SNTG2: variants seen among roughly 807,000 people sequenced by gnomAD.
SNTG2 encodes gamma-2-syntrophin.
A neutral mutation model predicts 70.9 loss-of-function variants in SNTG2; 74 were observed. That is an observed-to-expected ratio of 1.04 (90% confidence interval 0.86 to 1.27). SNTG2 has a LOEUF of 1.27. Among genes scored for constraint, SNTG2 ranks in the 50% most tolerant of loss-of-function variants. The pLI is 0.00. For synonymous variants in SNTG2, 278 were observed against 273.8 expected (o/e 1.02, Z -0.15); for missense variants, 717 against 690.7 (o/e 1.04, Z -0.43).
intron 1 of SNTG2, among the ~76,000 whole-genome samples, chr2:1,011,466 G>A (rs1233282332): frequency 6.6e-6 from 1 of 152,172 alleles, no homozygotes; most frequent in Non-Finnish European, 1.5e-5. Flanking sequence ...ACAAGTTTCA[G>A]AAACAATCTT....
chr2:1,309,079 C>G (rs1680851280), intron 15 of SNTG2, among the ~76,000 whole-genome samples: 1 of 152,122 alleles, frequency 6.6e-6, no homozygotes, highest in Non-Finnish European at 1.5e-5. Flanking sequence ...TGAGGACAAT[C>G]CACTGTTTTG....
intron 9 of SNTG2, among the ~76,000 whole-genome samples, chr2:1,218,716 G>A (rs1053075481): frequency 6.6e-6 from 1 of 152,208 alleles, no homozygotes; most frequent in African/African-American, 2.4e-5. Context: ...TGCCCCTGGG[G>A]AAGCAGGTGG....
At chr2:1,086,363 C>T (rs1475454129) in intron 2 of SNTG2, among the ~76,000 whole-genome samples, 2 of 152,158 alleles carry the variant, frequency 1.3e-5, no homozygotes, top group African/African-American at 2.4e-5. Flanking sequence ...CCCAAAAAGT[C>T]AGATCTTCTG....
At chr2:1,292,635 T>C (rs900150111) in intron 14 of SNTG2, among the ~76,000 whole-genome samples, 1 of 152,230 alleles carries the variant, frequency 6.6e-6, no homozygotes, top group Non-Finnish European at 1.5e-5. Context: ...TTTGTTCACA[T>C]GGCATGTTGC....
intron 14 of SNTG2, among the ~76,000 whole-genome samples, chr2:1,306,354 C>T (rs1343453331): frequency 6.6e-6 from 1 of 152,150 alleles, no homozygotes; most frequent in Non-Finnish European, 1.5e-5. Context: ...CCACCATCTG[C>T]TCTCCTCTAA....
At chr2:1,314,530 C>T (rs1370568186) in intron 15 of SNTG2, among the ~76,000 whole-genome samples, 3 of 152,228 alleles carry the variant, frequency 2.0e-5, no homozygotes, top group African/African-American at 7.2e-5. Flanking sequence ...GCAGCTCCCT[C>T]ACTGGGACAG....
At chr2:1,146,153 G>A (rs866702732) in intron 6 of SNTG2, among the ~76,000 whole-genome samples, 1 of 152,148 alleles carries the variant, frequency 6.6e-6, no homozygotes, top group Non-Finnish European at 1.5e-5. Flanking sequence ...ATACAAGGAT[G>A]TCTCTTCTCA....
chr2:987,130 GT>G (rs1558295862), intron 1 of SNTG2, among the ~76,000 whole-genome samples: 1 of 152,236 alleles, frequency 6.6e-6, no homozygotes, highest in Non-Finnish European at 1.5e-5. Flanking sequence ...CATCCCTGAA[GT>G]GGCAGGAGGT....
chr2:1,100,725 CTT>C (rs1426209770), intron 4 of SNTG2, among the ~76,000 whole-genome samples: 2 of 151,992 alleles, frequency 1.3e-5, no homozygotes, highest in Admixed American at 1.3e-4. Context: ...TTCCTGTCCT[CTT>C]TGCAAACATT....
In SNTG2 at chr2:1,097,218, C is replaced by G. The variant is rs968002582; in HGVS notation, c.211-978C>G. On this transcript the variant is annotated intron_variant, in intron 2 of 16. Coordinates refer to ENST00000308624, the MANE Select transcript of SNTG2 (RefSeq NM_018968.4). This position sits in a 1 kb window ranked among gnomAD's most constrained non-coding sequence, Gnocchi z 4.1. ...CTGGGGTATCTCAGGCTGCGGAAGC[C>G]CTCACAGCAGCCTCCCTGCATCTGC... 3.3e-5 allele frequency among the ~76,000 whole-genome samples: 5 copies of G among 152,182 alleles called. No homozygotes were observed. Among genetic ancestry groups the G allele is most frequent in the African/African-American group, 1.2e-4 (5 of 41,446 alleles).
intron 4 of SNTG2, among the ~76,000 whole-genome samples, chr2:1,111,657 C>T (rs1005681919): frequency 1.3e-5 from 2 of 152,224 alleles, no homozygotes; most frequent in African/African-American, 4.8e-5. Flanking sequence ...GTCCAGTGTC[C>T]TTCAAATTAC....
At chr2:1,164,924 A>C (rs1177881302) in intron 6 of SNTG2, among the ~76,000 whole-genome samples, 1 of 152,250 alleles carries the variant, frequency 6.6e-6, no homozygotes, top group Non-Finnish European at 1.5e-5. Flanking sequence ...ACAGCTTTGC[A>C]GCATCTAGAC....
At position 1,259,384 on chromosome 2, in the gene SNTG2, T is replaced by C. The variant is rs766264962; in HGVS notation, c.1020T>C (p.Asp340=). The C allele has an allele frequency of 3.1e-6, 5 of 1,613,858 alleles. No individual in the cohort carries two copies. In the African/African-American group the frequency reaches 4.0e-5, roughly 13 times the overall value. ...GTTTCTTGCAGGTGAGCACATTCGA[T>C]TGGGTGCGAGCAGAAAGGACCTATC... The part of the protein sequence containing the change: ...VFSTPPVSTF[D]WVRAERTYHL... The change falls in exon 13 of 17, where the codon GAT becomes GAC. Residue 340 remains aspartate (D), a synonymous_variant. Coordinates refer to ENST00000308624, the MANE Select transcript of SNTG2 (RefSeq NM_018968.4).
chr2:984,359 A>G (rs1191305630), intron 1 of SNTG2, among the ~76,000 whole-genome samples: 1 of 151,482 alleles, frequency 6.6e-6, no homozygotes, highest in Non-Finnish European at 1.5e-5. Flanking sequence ...TGGAAATGGG[A>G]AGTGCGTGTT....
At chr2:951,994 C>T (rs758287314) in intron 1 of SNTG2, among the ~76,000 whole-genome samples, 25 of 152,318 alleles carry the variant, frequency 1.6e-4, no homozygotes, top group Middle Eastern at 6.8e-3. Flanking sequence ...TTCCTATCGT[C>T]ATAATAATGA....
chr2:1,259,308 T>C (rs1292077342), intron 12 of SNTG2, 62 bp from the exon 13 acceptor site: 1 of 1,513,408 alleles, frequency 6.6e-7, no homozygotes, highest in African/African-American at 1.4e-5. Context: ...ATTGTAAATT[T>C]TTAAATTTTT....
At chr2:1,360,716 C>T (rs1435226801) in intron 16 of SNTG2, among the ~76,000 whole-genome samples, 2 of 151,960 alleles carry the variant, frequency 1.3e-5, no homozygotes, top group Non-Finnish European at 2.9e-5. Flanking sequence ...AGCAAACATA[C>T]GGTGTCTGAT....
At position 1,146,679 on chromosome 2, in the gene SNTG2, A is replaced by G. The variant is rs188232397; in HGVS notation, c.411+8870A>G. Reference sequence around the variant, plus strand: ...GCTAATTTAATCAAGACAGTGTGGTATTGGTGCAAGAATAGACAAATAGAT... The same window carrying G: ...GCTAATTTAATCAAGACAGTGTGGTGTTGGTGCAAGAATAGACAAATAGAT... On this transcript the variant is annotated intron_variant, in intron 6 of 16. Transcript: ENST00000308624. Among the ~76,000 whole-genome samples the G allele has an allele frequency of 7.9e-4, 120 of 152,344 alleles. 1 individual carries two copies. The highest frequency in any genetic ancestry group is 5.0e-3 in the South Asian group (24 of 4,830).
chr2:1,168,729 T>G (rs1305909954), intron 7 of SNTG2, among the ~76,000 whole-genome samples: 3 of 152,164 alleles, frequency 2.0e-5, no homozygotes, highest in Admixed American at 1.3e-4. Context: ...ATCAGTAAGA[T>G]TCACTGCATG....
Sources: gnomAD v4.1 joint callset for allele counts (sites outside exome capture counted in the v4.1 genomes callset) on GRCh38, gnomAD v4.1.1 for gene constraint, Gnocchi (gnomAD v3.1) non-coding constraint, MANE v1.5 for transcripts, NCBI Gene and HGNC (gene_info 2026-07-23, HGNC 2026-07-21) for gene names.